TOLLIP: variants seen among roughly 807,000 people sequenced by gnomAD.
TOLLIP encodes toll-interacting protein.
A neutral mutation model predicts 33.5 loss-of-function variants in TOLLIP; 16 were observed. The observed-to-expected ratio is 0.48, with a 90% confidence interval of 0.32 to 0.72. The LOEUF (loss-of-function observed/expected upper bound fraction) is 0.72, where lower values mean the gene tolerates loss of function less well. Ranked by LOEUF, TOLLIP falls within the 30% of genes least tolerant of loss-of-function variation. The pLI, the probability that TOLLIP is intolerant of heterozygous loss-of-function variation, is 0.03. For synonymous variants in TOLLIP, 176 were observed against 163.7 expected (o/e 1.07, Z -0.57); for missense variants, 325 against 396.6 (o/e 0.82, Z 1.53).
rs1026866301 is a variant in TOLLIP at position 1,295,668 on chromosome 11, G to A, written c.160C>T (p.Arg54Ter). Reference sequence around the variant, plus strand: ...ACCTGTACCACCGTGATGTTCAGTCGGCCCACGGTGCCCACTGCGCCTCCG... The same window carrying A: ...ACCTGTACCACCGTGATGTTCAGTCAGCCCACGGTGCCCACTGCGCCTCCG... Reference protein sequence around the residue: ...QYGGAVGTVGRLNITVVQAKL... With the variant: ...QYGGAVGTVG Residue 54 changes from arginine to a stop codon, truncating the protein, a stop_gained, in exon 2 of 6, where the codon CGA (arginine) becomes TGA (stop). Transcript: ENST00000317204. LOFTEE classifies it high-confidence loss of function. 7 of 1,595,440 alleles carry A rather than the reference G, an allele frequency of 4.4e-6. No individual in the cohort carries two copies. Among genetic ancestry groups the A allele is most frequent in the South Asian group, 1.1e-5 (1 of 89,810 alleles).
Position 1,277,172 on chromosome 11 carries a change from T to C in TOLLIP, c.692A>G (p.Glu231Gly). The change falls in exon 6 of 6, where the codon GAG becomes GGG. Residue 231 changes from glutamate to glycine, a missense_variant. By Grantham distance (98) the Glu-to-Gly change is moderately conservative (BLOSUM62 -2). Coordinates refer to ENST00000317204, the MANE Select transcript of TOLLIP (RefSeq NM_019009.4). This position sits in a 1 kb window ranked among gnomAD's most constrained non-coding sequence, Gnocchi z 4.2. ...AAVNAQPRCS[E>G]EDLKAIQDMF... ...GTCCTGGATGGCTTTCAGGTCCTCCTCGCTACAGCGGGGCTGGGCGTTCAC... is the reference window on the plus strand; with the variant it reads ...GTCCTGGATGGCTTTCAGGTCCTCCCCGCTACAGCGGGGCTGGGCGTTCAC... 3 of 1,611,912 alleles carry C rather than the reference T, an allele frequency of 1.9e-6. No homozygotes were observed. Among genetic ancestry groups the C allele is most frequent in the Non-Finnish European group, 2.5e-6 (3 of 1,178,322 alleles).
intron 2 of TOLLIP, chr11:1,292,037 C>T (rs1279372933): frequency 6.6e-6 from 1 of 152,328 alleles, no homozygotes; most frequent in East Asian, 1.9e-4. Context: ...AAAACTGCCC[C>T]ATTCTTGGGT....
chr11:1,306,404 G>T (rs1366681952), intron 1 of TOLLIP, among the ~76,000 whole-genome samples: 1 of 152,016 alleles, frequency 6.6e-6, no homozygotes, highest in Non-Finnish European at 1.5e-5. Context: ...TCACTAGGGG[G>T]AGGCAACGGC....
chr11:1,282,338 T>C (rs1456267979), intron 5 of TOLLIP, among the ~76,000 whole-genome samples: 4 of 152,138 alleles, frequency 2.6e-5, no homozygotes, highest in South Asian at 4.1e-4. Flanking sequence ...AGGAAAAAAA[T>C]AGGAAATTGT....
At chr11:1,306,366 G>A (rs1002456567) in intron 1 of TOLLIP, among the ~76,000 whole-genome samples, 1 of 151,834 alleles carries the variant, frequency 6.6e-6, no homozygotes, top group African/African-American at 2.4e-5. Flanking sequence ...CTCCTTCACG[G>A]CCCATGGGAT....
chr11:1,292,901 C>T (rs867632108), intron 2 of TOLLIP, among the ~76,000 whole-genome samples: 6 of 152,168 alleles, frequency 3.9e-5, no homozygotes, highest in African/African-American at 7.2e-5. Context: ...GGGAGGAGAA[C>T]GGCCAGGGAA....
chr11:1,290,553 C>A lies in TOLLIP; in HGVS notation c.184-144G>T. On this transcript the variant is annotated intron_variant, in intron 2 of 5. Coordinates refer to ENST00000317204, the MANE Select transcript of TOLLIP (RefSeq NM_019009.4). The surrounding 1 kb of genome is among the most constrained non-coding windows in gnomAD (Gnocchi z 4.9). ...GCCACTCAGAGTCGCCTGAACACGG[C>A]TGTGACCTGCTTCCCAGGAGGCCAG... 1 of 695,814 alleles carries A rather than the reference C, an allele frequency of 1.4e-6. No individual in the cohort carries two copies. Among genetic ancestry groups the A allele is most frequent in the Non-Finnish European group, 2.4e-6 (1 of 415,818 alleles). 43.1% of individuals were successfully genotyped at this position (695,814 alleles called of 1,614,324 possible).
In TOLLIP at chr11:1,278,185, G is replaced by A. The variant is rs888639523; in HGVS notation, c.611-932C>T. On this transcript the variant is annotated intron_variant, in intron 5 of 5. Transcript: ENST00000317204. This position sits in a 1 kb window ranked among gnomAD's most constrained non-coding sequence, Gnocchi z 4.7. ...GCAGCCCTGAGCACAGGCAGCGTGC[G>A]CGGGGCTCAGCGACCAGTGAGGCAC... Among the ~76,000 whole-genome samples, 1 of 151,380 alleles carries A rather than the reference G, an allele frequency of 6.6e-6. No individual in the cohort carries two copies. Among genetic ancestry groups the A allele is most frequent in the Non-Finnish European group, 1.5e-5 (1 of 68,002 alleles).
At chr11:1,285,505 C>T (rs1184277953) in intron 5 of TOLLIP, among the ~76,000 whole-genome samples, 1 of 152,256 alleles carries the variant, frequency 6.6e-6, no homozygotes, top group Non-Finnish European at 1.5e-5. Context: ...CTGCTCACTC[C>T]TAACAGTGAC....
chr11:1,275,364 C>G lies in TOLLIP; in HGVS notation c.*1675G>C, dbSNP rs1243385399. ...CCTCTGAGTGTGGCTTGTGGTCTGT[C>G]CTGGGTTAGAGTTGTTAATATCACG... is the stretch of plus-strand genomic sequence containing the variant. On this transcript the variant is annotated 3_prime_UTR_variant, in exon 6 of 6. Transcript: ENST00000317204. 1 of 152,206 alleles carries G rather than the reference C, an allele frequency of 6.6e-6. No homozygotes were observed. The highest frequency in any genetic ancestry group is 1.5e-5 in the Non-Finnish European group (1 of 68,054). The allele number at this position is 152,206 out of a possible 1,614,324, so 9.4% of individuals were successfully genotyped here.
intron 2 of TOLLIP, chr11:1,291,307 A>G (rs1205364517): frequency 6.6e-6 from 1 of 152,588 alleles, no homozygotes; most frequent in Non-Finnish European, 1.5e-5. Context: ...TCCCTGTACC[A>G]CTGCCACCCG....
intron 1 of TOLLIP, among the ~76,000 whole-genome samples, chr11:1,297,843 T>C (rs1401254826): frequency 6.6e-6 from 1 of 152,230 alleles, no homozygotes; most frequent in African/African-American, 2.4e-5. Context: ...CAGCAAGCTC[T>C]GGCTCAGGAG....
intron 4 of TOLLIP, among the ~76,000 whole-genome samples, chr11:1,286,437 A>G (rs554695326): frequency 6.6e-6 from 1 of 152,318 alleles, no homozygotes; most frequent in Non-Finnish European, 1.5e-5. Context: ...GTGGTGTCTG[A>G]GTTTGAAAGT....
chr11:1,285,526 A>G (rs1863662304), intron 5 of TOLLIP, among the ~76,000 whole-genome samples: 1 of 152,236 alleles, frequency 6.6e-6, no homozygotes, highest in Non-Finnish European at 1.5e-5. Context: ...ACACGACAAC[A>G]GACGCAACAG....
intron 1 of TOLLIP, among the ~76,000 whole-genome samples, chr11:1,307,516 C>T (rs941083089): frequency 6.6e-6 from 1 of 152,250 alleles, no homozygotes; most frequent in Non-Finnish European, 1.5e-5. Flanking sequence ...CAGTCCTACA[C>T]CCCAGTGGGG....
At position 1,276,621 on chromosome 11, in the gene TOLLIP, G is replaced by GATTGT. The variant is rs1564961639; in HGVS notation, c.*413_*417dup. 7.9e-7 allele frequency: 1 copy of GATTGT among 1,261,862 alleles called. No individual in the cohort carries two copies. Among genetic ancestry groups the GATTGT allele is most frequent in the East Asian group, 5.5e-5 (1 of 18,272 alleles). The allele number at this position is 1,261,862 out of a possible 1,614,324, so 78.2% of individuals were successfully genotyped here. A position where few individuals can be genotyped will look rare whatever the true frequency, so the allele number is the denominator to read the frequency against. On this transcript the variant is annotated 3_prime_UTR_variant, in exon 6 of 6. Transcript: ENST00000317204. ...TCTAAAAAAAACCCACAGTGTGAGG[G>GATTGT]ATTGTGTGTGCCTTAAATCAACAGC...
In TOLLIP at chr11:1,302,704, G is replaced by A. The variant is rs368059844; in HGVS notation, c.33+6762C>T. On this transcript the variant is annotated intron_variant, in intron 1 of 5. Transcript: ENST00000317204. The stretch of plus-strand genomic sequence containing the variant: ...CCTCATGCTCCACGCCAGTCTCCTG[G>A]CACTGGCATGTTCAATAAACAACCC... 11 of 985,974 alleles carry A rather than the reference G, an allele frequency of 1.1e-5. No homozygotes were observed. In the East Asian group the frequency reaches 6.8e-4, roughly 61 times the overall value. The allele number at this position is 985,974 out of a possible 1,614,324, so 61.1% of individuals were successfully genotyped here. A position where few individuals can be genotyped will look rare whatever the true frequency, so the allele number is the denominator to read the frequency against.
At chr11:1,308,226 T>A (rs991863390) in intron 1 of TOLLIP, among the ~76,000 whole-genome samples, 1 of 152,140 alleles carries the variant, frequency 6.6e-6, no homozygotes, top group Non-Finnish European at 1.5e-5. Flanking sequence ...GGTGTGTGGG[T>A]CACAGGGACA....
chr11:1,290,091 T>C lies in TOLLIP; in HGVS notation c.366+136A>G, dbSNP rs1042125456. 2.5e-5 allele frequency: 19 copies of C among 771,132 alleles called. No individual in the cohort carries two copies. The highest frequency in any genetic ancestry group is 1.2e-4 in the African/African-American group (7 of 57,746). The allele number at this position is 771,132 out of a possible 1,614,324, so 47.8% of individuals were successfully genotyped here. A position where few individuals can be genotyped will look rare whatever the true frequency, so the allele number is the denominator to read the frequency against. On this transcript the variant is annotated intron_variant, in intron 3 of 5. Coordinates refer to ENST00000317204, the MANE Select transcript of TOLLIP (RefSeq NM_019009.4). The surrounding 1 kb of genome is among the most constrained non-coding windows in gnomAD (Gnocchi z 4.9). ...CCTTGGGGAGAGCAGGACCCTGTCATGCACCCAATGAAACACCAGGTGGGG... is the reference window on the plus strand; with the variant it reads ...CCTTGGGGAGAGCAGGACCCTGTCACGCACCCAATGAAACACCAGGTGGGG...
Sources: gnomAD v4.1 joint callset for allele counts (sites outside exome capture counted in the v4.1 genomes callset) on GRCh38, gnomAD v4.1.1 for gene constraint, Gnocchi (gnomAD v3.1) non-coding constraint, MANE v1.5 for transcripts, NCBI Gene and HGNC (gene_info 2026-07-23, HGNC 2026-07-21) for gene names.